The following LOXL2 variants were observed in gnomAD, a reference collection of about 807,000 sequenced individuals.
LOXL2 encodes lysyl oxidase homolog 2.
Under a neutral mutation model 93.0 loss-of-function variants are expected in LOXL2, and 70 were observed. The observed-to-expected ratio is 0.75, with a 90% CI of 0.62 to 0.92. The LOEUF (loss-of-function observed/expected upper bound fraction) is 0.92, where lower values mean the gene tolerates loss of function less well. Among genes scored for constraint, LOXL2 ranks in the 40% least tolerant of loss-of-function variants. The probability of loss-of-function intolerance (pLI) is 0.00; values close to 1 mark genes in which losing one functional copy is unlikely to be tolerated. For synonymous variants in LOXL2, 438 were observed against 413.2 expected (o/e 1.06, Z -0.73); for missense variants, 973 against 1,054.9 (o/e 0.92, Z 1.08).
chr8:23,364,401 T>A (rs1404984913), intron 2 of LOXL2: 1 of 152,220 alleles, frequency 6.6e-6, no homozygotes, highest in African/African-American at 2.4e-5. Context: ...ATGTTACTCT[T>A]TGCTTCCAAT....
intron 3 of LOXL2, among the ~76,000 whole-genome samples, chr8:23,345,722 C>G (rs1057453641): frequency 8.0e-5 from 11 of 137,344 alleles, no homozygotes; most frequent in Non-Finnish European, 1.5e-4. Flanking sequence ...TTAAAATATA[C>G]ACACACTTTT....
chr8:23,329,970 G>A (rs1467199937), intron 5 of LOXL2, among the ~76,000 whole-genome samples: 1 of 152,046 alleles, frequency 6.6e-6, no homozygotes, highest in Non-Finnish European at 1.5e-5. Flanking sequence ...CGCAGTATGG[G>A]GAGAAGAAAA....
intron 4 of LOXL2, chr8:23,337,526 G>A (rs919249468): frequency 2.6e-5 from 4 of 152,208 alleles, no homozygotes; most frequent in African/African-American, 7.2e-5. Flanking sequence ...AACAGAGGCA[G>A]GGTCAGCATT....
At chr8:23,348,799 C>A (rs1207746898) in intron 3 of LOXL2, among the ~76,000 whole-genome samples, 1 of 152,082 alleles carries the variant, frequency 6.6e-6, no homozygotes, top group Non-Finnish European at 1.5e-5. Context: ...ATGGCATGAA[C>A]CCGGGAGGCG....
intron 1 of LOXL2, among the ~76,000 whole-genome samples, chr8:23,396,890 A>G (rs1800095954): frequency 6.6e-6 from 1 of 152,230 alleles, no homozygotes; most frequent in Non-Finnish European, 1.5e-5. Flanking sequence ...TTCATCCATA[A>G]CAGGCATTTG....
chr8:23,359,985 T>G (rs1346584525), intron 3 of LOXL2, 105 bp downstream of exon 3: 7 of 1,072,096 alleles, frequency 6.5e-6, no homozygotes, highest in Non-Finnish European at 9.7e-6. Flanking sequence ...TGAGGTACCC[T>G]CCTTCCTGCT....
At chr8:23,403,910 C>T (rs1229150061) in intron 1 of LOXL2, 44 bp downstream of exon 1, 1 of 157,648 alleles carries the variant, frequency 6.3e-6, no homozygotes, top group African/African-American at 2.4e-5. Flanking sequence ...CCCGCTTTCT[C>T]GCGAACCGCT....
intron 3 of LOXL2, among the ~76,000 whole-genome samples, chr8:23,352,135 C>G (rs555736442): frequency 5.9e-5 from 9 of 152,292 alleles, no homozygotes; most frequent in Admixed American, 1.3e-4. Context: ...GTTATACATC[C>G]TCTTGCCCAA....
intron 3 of LOXL2, among the ~76,000 whole-genome samples, chr8:23,358,944 C>A (rs1804243228): frequency 6.6e-6 from 1 of 151,800 alleles, no homozygotes; most frequent in Non-Finnish European, 1.5e-5. Context: ...TGGGTTCACG[C>A]CATTCTCCTG....
intron 3 of LOXL2, among the ~76,000 whole-genome samples, chr8:23,342,766 T>C (rs1277564843): frequency 6.6e-6 from 1 of 151,940 alleles, no homozygotes; most frequent in Non-Finnish European, 1.5e-5. Context: ...TTTATTCTTT[T>C]TTGAGGCAGG....
At position 23,375,963 on chromosome 8, in the gene LOXL2, T is replaced by C. The variant is rs528712911; in HGVS notation, c.-83-7529A>G. ...CCTGCCTGATTGCCCTGGCCAGAAC[T>C]TCCAACACTATGTTGAATAGGAGTG... On this transcript the variant is annotated intron_variant, in intron 1 of 13. Transcript: ENST00000389131. Among the ~76,000 whole-genome samples, 5 of 152,298 alleles carry C rather than the reference T, an allele frequency of 3.3e-5. No individual in the cohort carries two copies. The South Asian group carries it at 1.0e-3, about 32-fold the overall frequency.
chr8:23,311,304 A>G (rs1482156937), intron 9 of LOXL2, among the ~76,000 whole-genome samples: 2 of 152,252 alleles, frequency 1.3e-5, no homozygotes, highest in Non-Finnish European at 2.9e-5. Context: ...GGGTAGGGAA[A>G]AGGTGCACAC....
intron 1 of LOXL2, among the ~76,000 whole-genome samples, chr8:23,377,578 C>T (rs1804613423): frequency 6.6e-6 from 1 of 151,810 alleles, no homozygotes; most frequent in Non-Finnish European, 1.5e-5. Context: ...GAGTCTAAGT[C>T]TCTTTGTAGA....
At chr8:23,360,052 T>A in intron 3 of LOXL2, 38 bp downstream of exon 3, 1 of 1,572,424 alleles carries the variant, frequency 6.4e-7, no homozygotes, top group Non-Finnish European at 8.7e-7. Flanking sequence ...AGAGGAAAAA[T>A]GTTTGCATGA....
intron 6 of LOXL2, among the ~76,000 whole-genome samples, chr8:23,323,552 A>G (rs1424976714): frequency 6.6e-6 from 1 of 152,246 alleles, no homozygotes; most frequent in Non-Finnish European, 1.5e-5. Context: ...CTCAAGCGGC[A>G]GTGAGCTGGG....
chr8:23,311,404 GCAGCATTGCC>G (rs1262507008), intron 9 of LOXL2, among the ~76,000 whole-genome samples: 2 of 152,220 alleles, frequency 1.3e-5, no homozygotes, highest in African/African-American at 4.8e-5. Context: ...ACGCCAGGAT[GCAGCATTGCC>G]CTACACCGAG....
At chr8:23,319,741 G>A (rs1398660600) in intron 8 of LOXL2, 144 bp downstream of exon 8, 2 of 859,398 alleles carry the variant, frequency 2.3e-6, no homozygotes, top group Non-Finnish European at 1.8e-6. Flanking sequence ...CCAGAGCGAG[G>A]CTCCCTGCCT....
intron 3 of LOXL2, among the ~76,000 whole-genome samples, chr8:23,347,209 T>A (rs756527493): frequency 9.0e-4 from 131 of 145,640 alleles, no homozygotes; most frequent in Admixed American, 1.9e-3. Flanking sequence ...ACACACACAC[T>A]AGCTGGGTAT....
Position 23,328,304 on chromosome 8 carries a change from C to T in LOXL2, c.1150+78G>A, listed in dbSNP as rs1803617374. The T allele has an allele frequency of 6.7e-6, 10 of 1,499,812 alleles. No individual in the cohort carries two copies. In the East Asian group the frequency reaches 1.8e-4, roughly 27 times the overall value. The allele number at this position is 1,499,812 out of a possible 1,614,324, so 92.9% of individuals were successfully genotyped here. A position where few individuals can be genotyped will look rare whatever the true frequency, so the allele number is the denominator to read the frequency against. On this transcript the variant is annotated intron_variant, in intron 6 of 13. Coordinates refer to ENST00000389131, the MANE Select transcript of LOXL2 (RefSeq NM_002318.3). ...GGAAAGTGAGGATTTCCCGAGAGCT[C>T]ACGGCCAGCAGCCAGGCTGGGCTCA...
Sources: allele counts gnomAD v4.1 joint callset (sites outside exome capture counted in the v4.1 genomes callset), GRCh38; gene constraint gnomAD v4.1.1; transcripts MANE v1.5; gene names NCBI Gene and HGNC (gene_info 2026-07-23, HGNC 2026-07-21).